Variants in RGPD8 observed in about 807,000 individuals in gnomAD.
RGPD8 encodes the protein RANBP2 like and GRIP domain containing 8.
In RGPD8, 15 loss-of-function variants were observed where a neutral mutation model predicts 89.1. The ratio of observed to expected loss-of-function variants is 0.17; its 90% CI spans 0.11 to 0.26. RGPD8 has a LOEUF of 0.26. Ranked by LOEUF, RGPD8 falls within the 10% of genes least tolerant of loss-of-function variation. The pLI is 1.00. For synonymous variants in RGPD8, 62 were observed against 420.9 expected, an observed-to-expected ratio of 0.15 and a Z score of 10.44; for missense variants, 178 against 1,179.6, an observed-to-expected ratio of 0.15 and a Z score of 12.44.
At chr2:112,432,819 G>T (rs570721888) in intron 1 of RGPD8, among the ~76,000 whole-genome samples, 8 of 152,300 alleles carry the variant, frequency 5.3e-5, no homozygotes, top group South Asian at 4.1e-4. Flanking sequence ...CGCCCGCCGC[G>T]GTCCCCCCAG....
intron 1 of RGPD8, among the ~76,000 whole-genome samples, chr2:112,430,267 T>G (rs1247879535): frequency 1.3e-5 from 2 of 152,140 alleles, no homozygotes; most frequent in Non-Finnish European, 2.9e-5. Context: ...ACTAACCTCT[T>G]CATATTCTTC....
At position 112,388,152 on chromosome 2, in the gene RGPD8, G is replaced by A; in HGVS notation, c.4793C>T (p.Pro1598Leu). The A allele has an allele frequency of 8.0e-7, 1 of 1,254,324 alleles. No individual in the cohort carries two copies. Among genetic ancestry groups the A allele is most frequent in the Admixed American group, 2.5e-5 (1 of 39,702 alleles). 77.7% of individuals were successfully genotyped at this position (1,254,324 alleles called of 1,614,324 possible). A position where few individuals can be genotyped will look rare whatever the true frequency, so the allele number is the denominator to read the frequency against. Reference sequence around the variant, plus strand: ...GTTCTTTGACAGTTCACATTTTTTAGGTTCCACTTTGCTTTCAGATCCACT... The same window carrying A: ...GTTCTTTGACAGTTCACATTTTTTAAGTTCCACTTTGCTTTCAGATCCACT... Reference protein sequence around the residue: ...AQSGSESKVEPKKCELSKNSD... With the variant: ...AQSGSESKVELKKCELSKNSD... Residue 1598 changes from proline (P) to leucine (L), a missense_variant, in exon 20 of 23, where the codon CCT becomes CTT. Coordinates refer to ENST00000302558, the MANE Select transcript of RGPD8 (RefSeq NM_001164463.1).
At chr2:112,424,926 T>G (rs535625783) in intron 1 of RGPD8, among the ~76,000 whole-genome samples, 46 of 148,182 alleles carry the variant, frequency 3.1e-4, no homozygotes, top group Middle Eastern at 3.5e-3. Flanking sequence ...TAGCCAGGCA[T>G]AGTGGAGCAT....
At chr2:112,429,342 G>A (rs1460388388) in intron 1 of RGPD8, among the ~76,000 whole-genome samples, 21 of 146,404 alleles carry the variant, frequency 1.4e-4, no homozygotes, top group African/African-American at 3.8e-4. Flanking sequence ...CGTGAACCCC[G>A]GAGGCAGAGT....
intron 6 of RGPD8, among the ~76,000 whole-genome samples, chr2:112,416,270 T>C (rs1679412775): frequency 6.6e-6 from 1 of 152,248 alleles, no homozygotes; most frequent in Admixed American, 6.5e-5. Context: ...TTAGTTCTTT[T>C]AGATACTGCT....
At chr2:112,410,605 A>G (rs1574009841) in intron 7 of RGPD8, among the ~76,000 whole-genome samples, 2 of 148,560 alleles carry the variant, frequency 1.3e-5, no homozygotes, top group East Asian at 4.0e-4. Flanking sequence ...GTGAAATCCC[A>G]TCTCTATTAA....
At chr2:112,413,702 T>TTTTTTG (rs1490536035) in intron 6 of RGPD8, among the ~76,000 whole-genome samples, 1 of 127,914 alleles carries the variant, frequency 7.8e-6, no homozygotes, top group Non-Finnish European at 1.6e-5. Context: ...AGAGCTGACT[T>TTTTTTG]TTTTTGTTTT....
At chr2:112,427,375 C>T (rs1323126247) in intron 1 of RGPD8, among the ~76,000 whole-genome samples, 1 of 152,150 alleles carries the variant, frequency 6.6e-6, no homozygotes, top group Non-Finnish European at 1.5e-5. Flanking sequence ...TAAAGATATA[C>T]AGCTAGAAAG....
chr2:112,430,644 CTTTTT>C (rs60900008), intron 1 of RGPD8, among the ~76,000 whole-genome samples: 1 of 130,692 alleles, frequency 7.7e-6, no homozygotes. Context: ...TCTAAGGTTG[CTTTTT>C]TTTTTTTTTA....
chr2:112,427,271 A>AACAACTTT (rs1391112484), intron 1 of RGPD8, among the ~76,000 whole-genome samples: 1 of 152,078 alleles, frequency 6.6e-6, no homozygotes, highest in African/African-American at 2.4e-5. Flanking sequence ...AAGATAATTA[A>AACAACTTT]ACAACTTTAC....
intron 6 of RGPD8, among the ~76,000 whole-genome samples, chr2:112,415,662 G>A (rs368943878): frequency 9.3e-5 from 14 of 150,762 alleles, no homozygotes; most frequent in East Asian, 5.9e-4. Flanking sequence ...GCAGTGAGCC[G>A]AGATTGTGCC....
chr2:112,433,475 G>A lies in RGPD8; in HGVS notation c.-22C>T. 6.2e-7 allele frequency: 1 copy of A among 1,603,638 alleles called. No homozygotes were observed. Among genetic ancestry groups the A allele is most frequent in the Non-Finnish European group, 8.5e-7 (1 of 1,176,226 alleles). On this transcript the variant is annotated 5_prime_UTR_variant, in exon 1 of 23. Transcript: ENST00000302558. Reference sequence around the variant, plus strand: ...TCATCGCGCCGCCAACCTGGCTCCCGAGACGCGTGCGAGCACCGCTCAGCC... The same window carrying A: ...TCATCGCGCCGCCAACCTGGCTCCCAAGACGCGTGCGAGCACCGCTCAGCC...
intron 7 of RGPD8, among the ~76,000 whole-genome samples, chr2:112,410,653 C>T (rs1679138151): frequency 1.3e-5 from 2 of 151,032 alleles, no homozygotes; most frequent in African/African-American, 5.0e-5. Context: ...TGGTGTGTGC[C>T]TGTAATCCCA....
At chr2:112,430,984 G>A (rs1362088575) in intron 1 of RGPD8, among the ~76,000 whole-genome samples, 6 of 152,140 alleles carry the variant, frequency 3.9e-5, no homozygotes, top group Non-Finnish European at 2.9e-5. Context: ...CGGTGCAGTG[G>A]CTCACGCCTA....
chr2:112,404,791 CG>C (rs1657668795), intron 8 of RGPD8, among the ~76,000 whole-genome samples: 1 of 119,558 alleles, frequency 8.4e-6, no homozygotes, highest in Admixed American at 8.7e-5. Flanking sequence ...GGCGTGAACC[CG>C]GGAGGCGGAG....
intron 1 of RGPD8, among the ~76,000 whole-genome samples, chr2:112,428,005 A>AT (rs1679849680): frequency 6.6e-6 from 1 of 152,302 alleles, no homozygotes; most frequent in Admixed American, 6.5e-5. Flanking sequence ...GGTCAAAGAA[A>AT]TAATACAAGA....
chr2:112,389,269 C>CT lies in RGPD8; in HGVS notation c.3675dup (p.Gly1226ArgfsTer15), dbSNP rs1296590883. Reference sequence around the variant, plus strand: ...GTTGTGTCTGAGGCACCGGCCACACCTGTACCTGAACCCTTATTTTCTTCC... The same window carrying CT: ...GTTGTGTCTGAGGCACCGGCCACACCTTGTACCTGAACCCTTATTTTCTTCC... On this transcript the variant is annotated frameshift_variant, in exon 20 of 23. Transcript: ENST00000302558. LOFTEE classifies it high-confidence loss of function. 2 of 1,575,460 alleles carry CT rather than the reference C, an allele frequency of 1.3e-6. No individual in the cohort carries two copies. Among genetic ancestry groups the CT allele is most frequent in the Non-Finnish European group, 1.7e-6 (2 of 1,152,446 alleles).
At chr2:112,424,526 C>T (rs1259284252) in intron 1 of RGPD8, among the ~76,000 whole-genome samples, 6 of 152,026 alleles carry the variant, frequency 3.9e-5, no homozygotes, top group Non-Finnish European at 8.8e-5. Flanking sequence ...TTGAGACCAG[C>T]CTGGCTAACA....
At chr2:112,433,142 G>C (rs1214483510) in intron 1 of RGPD8, among the ~76,000 whole-genome samples, 1 of 127,858 alleles carries the variant, frequency 7.8e-6, no homozygotes, top group East Asian at 2.2e-4. Context: ...CGCCGGGCCG[G>C]GTCGAGGCCG....
Sources: gnomAD v4.1 joint callset for allele counts (sites outside exome capture counted in the v4.1 genomes callset) on GRCh38, gnomAD v4.1.1 for gene constraint, MANE v1.5 for transcripts, NCBI Gene and HGNC (gene_info 2026-07-23, HGNC 2026-07-21) for gene names.